BZW2: variants seen among roughly 807,000 people sequenced by gnomAD.
BZW2 encodes eIF5-mimic protein 1.
A neutral mutation model predicts 53.2 loss-of-function variants in BZW2; 23 were observed. That is an observed-to-expected ratio of 0.43 (90% CI 0.31 to 0.61). BZW2 has a LOEUF of 0.61. BZW2 is among the 20% of genes least tolerant of loss of function. The pLI, the probability that BZW2 is intolerant of heterozygous loss-of-function variation, is 0.09. For synonymous variants in BZW2, 227 were observed against 186.4 expected, an observed-to-expected ratio of 1.22 and a Z score of -1.77; for missense variants, 409 against 503.1, an observed-to-expected ratio of 0.81 and a Z score of 1.79.
chr7:16,704,195 A>G (rs1783762401), intron 10 of BZW2, among the ~76,000 whole-genome samples: 1 of 152,324 alleles, frequency 6.6e-6, no homozygotes, highest in East Asian at 1.9e-4. Flanking sequence ...AGGACCCAAA[A>G]TGTTCTAAAA....
chr7:16,705,257 G>C (rs1783804102), intron 11 of BZW2, among the ~76,000 whole-genome samples: 1 of 152,142 alleles, frequency 6.6e-6, no homozygotes. Flanking sequence ...TACTCGGGAG[G>C]GTGAGGCAGG....
chr7:16,665,036 G>A (rs1782379465), intron 1 of BZW2, among the ~76,000 whole-genome samples: 1 of 152,174 alleles, frequency 6.6e-6, no homozygotes, highest in Non-Finnish European at 1.5e-5. Context: ...TTTATGCCGG[G>A]CGCCGTGGCT....
chr7:16,703,918 T>C (rs1036941425), intron 10 of BZW2, among the ~76,000 whole-genome samples: 1 of 152,162 alleles, frequency 6.6e-6, no homozygotes, highest in African/African-American at 2.4e-5. Context: ...AGAGGAAAAA[T>C]ATTACTCTTG....
At chr7:16,698,253 CA>C in intron 10 of BZW2, 67 bp downstream of exon 10, 1 of 1,588,958 alleles carries the variant, frequency 6.3e-7, no homozygotes, top group South Asian at 1.1e-5. Flanking sequence ...GCAGAGCAGG[CA>C]ATGAGGCAGA....
At chr7:16,682,532 AT>A (rs895490136) in intron 4 of BZW2, among the ~76,000 whole-genome samples, 10 of 151,062 alleles carry the variant, frequency 6.6e-5, no homozygotes, top group East Asian at 3.9e-4. Flanking sequence ...TTTTCGTCGA[AT>A]TTTTTTTTCT....
intron 1 of BZW2, among the ~76,000 whole-genome samples, chr7:16,655,019 C>G (rs1391857953): frequency 2.0e-5 from 3 of 152,146 alleles, no homozygotes; most frequent in Non-Finnish European, 4.4e-5. Context: ...TCAGCTTAAT[C>G]ACCTACTTTT....
intron 1 of BZW2, among the ~76,000 whole-genome samples, chr7:16,664,298 A>G (rs1029859412): frequency 3.3e-5 from 5 of 152,248 alleles, no homozygotes; most frequent in Non-Finnish European, 5.9e-5. Context: ...ACAAAGAGAT[A>G]ATAATAAAAT....
At chr7:16,704,258 C>T (rs1219618145) in intron 10 of BZW2, among the ~76,000 whole-genome samples, 1 of 152,148 alleles carries the variant, frequency 6.6e-6, no homozygotes, top group Non-Finnish European at 1.5e-5. Flanking sequence ...TATTTCCTAC[C>T]AGCAAATTAG....
At chr7:16,652,781 TC>T (rs1326955839) in intron 1 of BZW2, among the ~76,000 whole-genome samples, 1 of 152,226 alleles carries the variant, frequency 6.6e-6, no homozygotes, top group African/African-American at 2.4e-5. Context: ...CGCCTTGGCT[TC>T]CCAAAGTGCT....
intron 1 of BZW2, among the ~76,000 whole-genome samples, chr7:16,663,700 G>A (rs697516): frequency 0.58 from 87,673 of 151,866 alleles, 25,827 homozygotes; most frequent in African/African-American, 0.7. Context: ...ACATTTCCAA[G>A]TGAATATCTA....
chr7:16,691,491 G>A (rs561645440), intron 7 of BZW2, among the ~76,000 whole-genome samples: 2 of 152,318 alleles, frequency 1.3e-5, no homozygotes, highest in South Asian at 4.1e-4. Flanking sequence ...GGCACAGGCT[G>A]AGGGAGCAGC....
chr7:16,698,373 C>T (rs1489675655), intron 10 of BZW2, 187 bp downstream of exon 10: 9 of 709,512 alleles, frequency 1.3e-5, no homozygotes, highest in Admixed American at 8.2e-5. Flanking sequence ...GCCATATATG[C>T]GTTGCCTTGG....
At chr7:16,697,113 T>G (rs754270936) in intron 9 of BZW2, 52 bp downstream of exon 9, 62 of 1,569,812 alleles carry the variant, frequency 3.9e-5, no homozygotes, top group African/African-American at 1.2e-4. Context: ...CTGCAGCTTT[T>G]TTTGTTTGTT....
intron 2 of BZW2, among the ~76,000 whole-genome samples, chr7:16,667,035 C>T (rs1355425642): frequency 2.0e-5 from 3 of 152,124 alleles, no homozygotes; most frequent in Non-Finnish European, 4.4e-5. Context: ...GTAATCCCAA[C>T]ACTTTGGGAG....
At chr7:16,647,394 A>G (rs938397336) in intron 1 of BZW2, among the ~76,000 whole-genome samples, 12 of 152,138 alleles carry the variant, frequency 7.9e-5, no homozygotes, top group Middle Eastern at 3.2e-3. Context: ...AGCGAAATGC[A>G]TTTTCCTCTG....
intron 1 of BZW2, among the ~76,000 whole-genome samples, chr7:16,654,839 T>A (rs1782081446): frequency 6.6e-6 from 1 of 152,128 alleles, no homozygotes; most frequent in Non-Finnish European, 1.5e-5. Context: ...GTGCCCAGCC[T>A]GTATACTATA....
Position 16,694,920 on chromosome 7 carries a change from C to A in BZW2, c.738C>A (p.Leu246=). 1 of 1,597,800 alleles carries A rather than the reference C, an allele frequency of 6.3e-7. No individual in the cohort carries two copies. The highest frequency in any genetic ancestry group is 8.6e-7 in the Non-Finnish European group (1 of 1,167,276). The change falls in exon 8 of 12, where the codon CTC becomes CTA. Residue 246 remains leucine, a synonymous_variant. Transcript: ENST00000258761. The part of the protein sequence containing the change: ...DAGLKELSDF[L]RVQQSLGTRK... Reference sequence around the variant, plus strand: ...GTCTTAAGGAGCTTTCCGACTTCCTCCGAGTCCAGCAGTCCCTGGGCACCA... The same window carrying A: ...GTCTTAAGGAGCTTTCCGACTTCCTACGAGTCCAGCAGTCCCTGGGCACCA...
At chr7:16,673,560 T>A (rs1404077977) in intron 2 of BZW2, among the ~76,000 whole-genome samples, 1 of 152,152 alleles carries the variant, frequency 6.6e-6, no homozygotes, top group Non-Finnish European at 1.5e-5. Context: ...TATAAAATGT[T>A]TTGTTTTAAT....
intron 11 of BZW2, 67 bp from the exon 12 acceptor site, chr7:16,705,993 G>A: frequency 1.3e-6 from 2 of 1,580,516 alleles, no homozygotes; most frequent in East Asian, 4.5e-5. Flanking sequence ...GTTGGTGACT[G>A]TAGTAACTTT....
Sources: allele counts gnomAD v4.1 joint callset (sites outside exome capture counted in the v4.1 genomes callset), GRCh38; gene constraint gnomAD v4.1.1; transcripts MANE v1.5; gene names NCBI Gene and HGNC (gene_info 2026-07-23, HGNC 2026-07-21).